Variants in HCRTR2 observed in about 807,000 individuals in gnomAD.
HCRTR2 encodes the protein orexin receptor type 2.
HCRTR2 carries 22 observed loss-of-function variants against 49.0 expected under a neutral mutation model. The ratio of observed to expected loss-of-function variants is 0.45; its 90% CI spans 0.32 to 0.64. HCRTR2 has a LOEUF of 0.64. HCRTR2 is among the 30% of genes least tolerant of loss of function. HCRTR2 has a pLI of 0.04. For synonymous variants in HCRTR2, 236 were observed against 205.3 expected (o/e 1.15, Z -1.28); for missense variants, 491 against 559.4 (o/e 0.88, Z 1.23).
At chr6:55,185,108 A>T (rs1025160713) in intron 1 of HCRTR2, among the ~76,000 whole-genome samples, 1 of 152,214 alleles carries the variant, frequency 6.6e-6, no homozygotes. Flanking sequence ...TCAACTTTTT[A>T]TTATTAAAAA....
intron 1 of HCRTR2, among the ~76,000 whole-genome samples, chr6:55,115,563 C>G (rs78906864): frequency 6.6e-6 from 1 of 150,992 alleles, no homozygotes; most frequent in Non-Finnish European, 1.5e-5. Flanking sequence ...AAGTGCTTAG[C>G]GTAGTGCCAG....
At chr6:55,160,934 A>C (rs905867497) in intron 1 of HCRTR2, among the ~76,000 whole-genome samples, 2 of 152,148 alleles carry the variant, frequency 1.3e-5, no homozygotes, top group Admixed American at 6.5e-5. Flanking sequence ...TGAGACAGAA[A>C]ATTAACAAGT....
At chr6:55,243,576 A>T (rs1406982397) in intron 1 of HCRTR2, among the ~76,000 whole-genome samples, 1 of 152,170 alleles carries the variant, frequency 6.6e-6, no homozygotes, top group Non-Finnish European at 1.5e-5. Context: ...CCTTTTAAAG[A>T]ATTTGCTCAT....
intron 1 of HCRTR2, among the ~76,000 whole-genome samples, chr6:55,176,237 C>A (rs984933384): frequency 1.3e-5 from 2 of 152,090 alleles, no homozygotes; most frequent in Non-Finnish European, 2.9e-5. Context: ...AGACAAGAAA[C>A]CTCTGAGAAC....
chr6:55,110,546 A>G (rs1764034579), intron 1 of HCRTR2, among the ~76,000 whole-genome samples: 1 of 152,148 alleles, frequency 6.6e-6, no homozygotes, highest in South Asian at 2.1e-4. Flanking sequence ...ATTCCATGCA[A>G]ATGGACACCA....
At chr6:55,225,506 C>G (rs1415134115) in intron 1 of HCRTR2, among the ~76,000 whole-genome samples, 3 of 152,140 alleles carry the variant, frequency 2.0e-5, no homozygotes, top group African/African-American at 7.2e-5. Context: ...GTAGGCAAAG[C>G]ATGTAACTCC....
At chr6:55,214,412 G>T (rs1341504677) in intron 1 of HCRTR2, among the ~76,000 whole-genome samples, 1 of 152,132 alleles carries the variant, frequency 6.6e-6, no homozygotes, top group African/African-American at 2.4e-5. Context: ...ACTCACTGCA[G>T]CCTCAAACTC....
chr6:55,122,298 T>C (rs140509704), intron 1 of HCRTR2, among the ~76,000 whole-genome samples: 30,380 of 152,056 alleles, frequency 0.2, 3,256 homozygotes, highest in South Asian at 0.26. Context: ...TTCTGTGGAA[T>C]CAGTGGTGAT....
intron 1 of HCRTR2, chr6:55,106,574 T>A (rs180882133): frequency 1.2e-4 from 18 of 152,218 alleles, no homozygotes; most frequent in Admixed American, 1.2e-3. Context: ...TTACTCTATA[T>A]TTTTTCTATT....
At position 55,174,595 on chromosome 6, in the gene HCRTR2, G is replaced by A. The variant is rs201743993; in HGVS notation, c.8G>A (p.Gly3Asp). 4 of 1,613,724 alleles carry A rather than the reference G, an allele frequency of 2.5e-6. No homozygotes were observed. Among genetic ancestry groups the A allele is most frequent in the Non-Finnish European group, 3.4e-6 (4 of 1,179,788 alleles). Reference sequence around the variant, plus strand: ...ACCGGACTTGAGCCCGTGATGTCCGGCACCAAATTGGAGGACTCCCCCCCT... The same window carrying A: ...ACCGGACTTGAGCCCGTGATGTCCGACACCAAATTGGAGGACTCCCCCCCT... MS[G>D]TKLEDSPPCR... Residue 3 changes from glycine to aspartate, a missense_variant, in exon 1 of 7, where the codon GGC becomes GAC. Gly to Asp is a moderately conservative substitution (Grantham distance 94, BLOSUM62 -1). Coordinates refer to ENST00000370862, the MANE Select transcript of HCRTR2 (RefSeq NM_001384272.1).
intron 1 of HCRTR2, 47 bp from the exon 2 acceptor site, chr6:55,248,592 A>G: frequency 7.0e-7 from 1 of 1,421,844 alleles, no homozygotes; most frequent in Non-Finnish European, 1.0e-6. Context: ...CCTCACCAAT[A>G]CCTATTTTCT....
chr6:55,157,245 T>G (rs1235355890), intron 1 of HCRTR2, among the ~76,000 whole-genome samples: 1 of 151,800 alleles, frequency 6.6e-6, no homozygotes, highest in Non-Finnish European at 1.5e-5. Flanking sequence ...ACTCTGAAAA[T>G]GAAAATAACA....
At chr6:55,129,623 T>C (rs560303660) in intron 1 of HCRTR2, among the ~76,000 whole-genome samples, 1 of 152,088 alleles carries the variant, frequency 6.6e-6, no homozygotes, top group African/African-American at 2.4e-5. Flanking sequence ...TCCATAAATA[T>C]TTTTTAGCAC....
chr6:55,150,336 T>C (rs1230925801), intron 1 of HCRTR2, among the ~76,000 whole-genome samples: 4 of 150,066 alleles, frequency 2.7e-5, no homozygotes, highest in African/African-American at 9.8e-5. Flanking sequence ...TTATTATTAT[T>C]GGTGTGATAA....
intron 2 of HCRTR2, among the ~76,000 whole-genome samples, chr6:55,253,842 A>T (rs1766598628): frequency 6.6e-6 from 1 of 152,160 alleles, no homozygotes. Flanking sequence ...ACACATGGAC[A>T]CATAAAGGGG....
intron 1 of HCRTR2, among the ~76,000 whole-genome samples, chr6:55,217,929 C>G (rs962718589): frequency 2.0e-5 from 3 of 152,150 alleles, no homozygotes; most frequent in Non-Finnish European, 4.4e-5. Flanking sequence ...AGAGACAAAA[C>G]CAATGGGATA....
chr6:55,225,632 A>C (rs1008901170), intron 1 of HCRTR2, among the ~76,000 whole-genome samples: 1 of 152,228 alleles, frequency 6.6e-6, no homozygotes, highest in Non-Finnish European at 1.5e-5. Context: ...ACAATAATCA[A>C]GTACCTGGTA....
intron 1 of HCRTR2, among the ~76,000 whole-genome samples, chr6:55,176,257 T>A (rs1475333374): frequency 3.3e-5 from 5 of 152,202 alleles, no homozygotes; most frequent in Non-Finnish European, 7.3e-5. Flanking sequence ...CTTTAGTACA[T>A]TTTTAAATAT....
At chr6:55,154,834 C>T (rs780474349) in intron 1 of HCRTR2, among the ~76,000 whole-genome samples, 1 of 151,692 alleles carries the variant, frequency 6.6e-6, no homozygotes, top group Non-Finnish European at 1.5e-5. Context: ...AACAAACAAA[C>T]ACACAAACAA....
Sources: gnomAD v4.1 joint callset for allele counts (sites outside exome capture counted in the v4.1 genomes callset) on GRCh38, gnomAD v4.1.1 for gene constraint, MANE v1.5 for transcripts, NCBI Gene and HGNC (gene_info 2026-07-23, HGNC 2026-07-21) for gene names.